Variants in BTNL3 observed in about 807,000 individuals in gnomAD.
BTNL3 encodes butyrophilin-like protein 3.
BTNL3 carries 20 observed loss-of-function variants against 40.1 expected under a neutral mutation model. The ratio of observed to expected loss-of-function variants is 0.50; its 90% CI spans 0.35 to 0.72. BTNL3 has a LOEUF of 0.72. Among genes scored for constraint, BTNL3 ranks in the 30% least tolerant of loss-of-function variants. BTNL3 has a pLI of 0.01. For missense variants in BTNL3, 449 were observed against 582.2 expected (o/e 0.77, Z 2.35); for synonymous variants, 179 against 222.1 (o/e 0.81, Z 1.73).
rs373751008 is a variant in BTNL3, at chr5:180,995,798, G to T, written c.398-1415G>T. On this transcript the variant is annotated intron_variant, in intron 2 of 7. Transcript: ENST00000342868. The stretch of plus-strand genomic sequence containing the variant: ...ACCTACTTCTGCTGGAGGTGGGAGT[G>T]GGGGAGTGGTCATAGGATGCTCAGC... Among the ~76,000 whole-genome samples, 106 of 135,776 alleles carry T rather than the reference G, an allele frequency of 7.8e-4. 9 individuals carry two copies. The South Asian group carries it at 0.022, about 28-fold the overall frequency. 89.1% of individuals were successfully genotyped at this position (135,776 alleles called of 152,430 possible).
At chr5:181,003,822 G>C in intron 4 of BTNL3, 34 bp from the exon 5 acceptor site, 1 of 1,614,156 alleles carries the variant, frequency 6.2e-7, no homozygotes, top group Non-Finnish European at 8.5e-7. Context: ...GCACACTCCT[G>C]TGTCCACCAC....
Position 181,005,906 on chromosome 5 carries a change from C to A in BTNL3, c.*34C>A, listed in dbSNP as rs1240937155. 1 of 1,547,142 alleles carries A rather than the reference C, an allele frequency of 6.5e-7. No individual in the cohort carries two copies. Among genetic ancestry groups the A allele is most frequent in the Admixed American group, 2.0e-5 (1 of 50,770 alleles). On this transcript the variant is annotated 3_prime_UTR_variant, in exon 8 of 8. Transcript: ENST00000342868. ...AGACCCTGCTTAAAGGGCCCCACAC[C>A]ACAGACCCAGACACAGCCAAGGGAG... is the stretch of plus-strand genomic sequence containing the variant.
chr5:180,997,063 G>C, intron 2 of BTNL3, 150 bp from the exon 3 acceptor site: 1 of 1,138,034 alleles, frequency 8.8e-7, no homozygotes, highest in East Asian at 2.6e-5. Flanking sequence ...GTGTGTAAGA[G>C]ACAGAGAGAA....
chr5:181,002,619 A>C, intron 3 of BTNL3, 53 bp from the exon 4 acceptor site: 1 of 1,413,224 alleles, frequency 7.1e-7, no homozygotes, highest in Non-Finnish European at 9.7e-7. Flanking sequence ...AATGGGCGTA[A>C]AATTGTCTTA....
At chr5:181,004,136 G>C (rs189553247) in intron 5 of BTNL3, among the ~76,000 whole-genome samples, 24 of 152,144 alleles carry the variant, frequency 1.6e-4, no homozygotes, top group African/African-American at 5.5e-4. Flanking sequence ...GTGTGTGGTG[G>C]GGGGAGGTGT....
Position 180,996,999 on chromosome 5 carries a change from G to T in BTNL3, c.398-214G>T, listed in dbSNP as rs1338793092. Among the ~76,000 whole-genome samples the T allele has an allele frequency of 1.5e-5, 2 of 136,086 alleles. 1 individual carries two copies. The highest frequency in any genetic ancestry group is 3.4e-5 in the Non-Finnish European group (2 of 59,526). The allele number at this position is 136,086 out of a possible 152,430, so 89.3% of individuals were successfully genotyped here. A position where few individuals can be genotyped will look rare whatever the true frequency, so the allele number is the denominator to read the frequency against. On this transcript the variant is annotated intron_variant, in intron 2 of 7. Coordinates refer to ENST00000342868, the MANE Select transcript of BTNL3 (RefSeq NM_197975.3). Reference sequence around the variant, plus strand: ...ATGAACATAGACCATGGAAGGGCTTGCAGTAGTAGCATGAGTGGATGTGTG... The same window carrying T: ...ATGAACATAGACCATGGAAGGGCTTTCAGTAGTAGCATGAGTGGATGTGTG...
At position 180,994,622 on chromosome 5, in the gene BTNL3, T is replaced by C. The variant is rs1760010899; in HGVS notation, c.397+1462T>C. 2.2e-5 allele frequency among the ~76,000 whole-genome samples: 3 copies of C among 135,944 alleles called. 1 individual carries two copies. Among genetic ancestry groups the C allele is most frequent in the Non-Finnish European group, 5.0e-5 (3 of 59,526 alleles). The allele number at this position is 135,944 out of a possible 152,430, so 89.2% of individuals were successfully genotyped here. A position where few individuals can be genotyped will look rare whatever the true frequency, so the allele number is the denominator to read the frequency against. On this transcript the variant is annotated intron_variant, in intron 2 of 7. Coordinates refer to ENST00000342868, the MANE Select transcript of BTNL3 (RefSeq NM_197975.3). ...TCATTTCTTTAAATACTCTTTCAGC[T>C]CTCTCTCTTTCTCCTCTCCTTCTGG...
At chr5:181,000,266 T>G (rs1760088394) in intron 3 of BTNL3, among the ~76,000 whole-genome samples, 1 of 136,782 alleles carries the variant, frequency 7.3e-6, no homozygotes, top group Non-Finnish European at 1.7e-5. Context: ...TTAAAAGAGA[T>G]AAACTATAAT....
chr5:180,992,639 G>A (rs1229575995), intron 1 of BTNL3, among the ~76,000 whole-genome samples, 174 bp from the exon 2 acceptor site: 1 of 137,500 alleles, frequency 7.3e-6, no homozygotes, highest in East Asian at 2.1e-4. Context: ...ACCGAGTGAA[G>A]TAACTGACAT....
At chr5:181,002,903 C>A in intron 4 of BTNL3, 118 bp downstream of exon 4, 1 of 1,219,120 alleles carries the variant, frequency 8.2e-7, no homozygotes, top group Non-Finnish European at 1.1e-6. Context: ...CTACAGGGGC[C>A]ACCAGCTGAG....
At chr5:181,003,984 G>C (rs573952962) in intron 5 of BTNL3, 108 bp downstream of exon 5, 1 of 1,565,336 alleles carries the variant, frequency 6.4e-7, no homozygotes, top group South Asian at 1.1e-5. Flanking sequence ...AGGAAGCACC[G>C]GCAGGTGGAG....
chr5:181,005,024 T>A (rs10063135), intron 7 of BTNL3, among the ~76,000 whole-genome samples: 8 of 151,912 alleles, frequency 5.3e-5, no homozygotes, highest in Non-Finnish European at 1.0e-4. Flanking sequence ...AAAGGGGAAC[T>A]AAGTGAAGTT....
In BTNL3 at chr5:181,005,615, C is replaced by T; in HGVS notation, c.1144C>T (p.Leu382=). The part of the protein sequence containing the change: ...SPNNGYWVLR[L]TTEHLYFTFN... ...CAACAATGGGTATTGGGTCCTCAGA[C>T]TGACAACAGAACATTTGTATTTCAC... The change falls in exon 8 of 8, where the codon CTG becomes TTG. Residue 382 remains leucine (L), a synonymous_variant. Coordinates refer to ENST00000342868, the MANE Select transcript of BTNL3 (RefSeq NM_197975.3). The T allele has an allele frequency of 1.9e-6, 3 of 1,614,034 alleles. No homozygotes were observed. Among genetic ancestry groups the T allele is most frequent in the Non-Finnish European group, 2.5e-6 (3 of 1,180,004 alleles).
At position 181,003,708 on chromosome 5, in the gene BTNL3, G is replaced by T. The variant is rs529562941; in HGVS notation, c.788-148G>T. The T allele has an allele frequency of 5.5e-6, 8 of 1,465,574 alleles. No individual in the cohort carries two copies. In the South Asian group the frequency reaches 8.8e-5, roughly 16 times the overall value. 90.8% of individuals were successfully genotyped at this position (1,465,574 alleles called of 1,614,324 possible). On this transcript the variant is annotated intron_variant, in intron 4 of 7. Coordinates refer to ENST00000342868, the MANE Select transcript of BTNL3 (RefSeq NM_197975.3). ...CCCCAGAGAGCCACACTCCGTGCAG[G>T]GGCTGGGGAGACGAGCACATATAAG... is the stretch of plus-strand genomic sequence containing the variant.
intron 2 of BTNL3, among the ~76,000 whole-genome samples, chr5:180,993,946 A>G (rs1760004176): frequency 7.3e-6 from 1 of 136,294 alleles, no homozygotes; most frequent in Non-Finnish European, 1.7e-5. Context: ...GATTACAGGC[A>G]TGCGCCACCA....
rs373569533 is a variant in BTNL3 at position 180,992,885 on chromosome 5, C to T, written c.122C>T (p.Ser41Phe). Reference protein sequence around the residue: ...LVGEDAVFSCSLFPETSAEAM... With the variant: ...LVGEDAVFSCFLFPETSAEAM... Reference sequence around the variant, plus strand: ...GGGGAGGACGCCGTGTTCTCCTGCTCCCTCTTTCCTGAGACCAGTGCAGAG... The same window carrying T: ...GGGGAGGACGCCGTGTTCTCCTGCTTCCTCTTTCCTGAGACCAGTGCAGAG... Residue 41 changes from serine (S) to phenylalanine (F), a missense_variant, in exon 2 of 8, where the codon TCC becomes TTC. Transcript: ENST00000342868. The T allele has an allele frequency of 9.6e-6, 14 of 1,463,188 alleles. 3 individuals carry two copies. Among genetic ancestry groups the T allele is most frequent in the Non-Finnish European group, 1.3e-5 (14 of 1,058,874 alleles). 90.6% of individuals were successfully genotyped at this position (1,463,188 alleles called of 1,614,324 possible).
intron 3 of BTNL3, among the ~76,000 whole-genome samples, chr5:181,002,102 A>T (rs1760121447): frequency 7.5e-6 from 1 of 133,972 alleles, no homozygotes; most frequent in Non-Finnish European, 1.7e-5. Flanking sequence ...GTCTTATCTC[A>T]GAGACATATC....
Position 180,997,227 on chromosome 5 carries a change from C to G in BTNL3, c.412C>G (p.Pro138Ala). The change falls in exon 3 of 8, where the codon CCT (proline) becomes GCT (alanine). Residue 138 changes from proline to alanine, a missense_variant. Around this residue, in one of 2 missense-constraint regions of BTNL3, gnomAD observed 323 missense variants for 464.9 expected, o/e 0.69. Coordinates refer to ENST00000342868, the MANE Select transcript of BTNL3 (RefSeq NM_197975.3). ...ELRVAALGSL[P>A]LISIVGYVDG... is the part of the protein sequence containing the mutation. ...TTTCTTCCCAGCACTGGGCTCACTTCCTCTCATTTCCATCGTGGGATATGT... is the reference window on the plus strand; with the variant it reads ...TTTCTTCCCAGCACTGGGCTCACTTGCTCTCATTTCCATCGTGGGATATGT... 1 of 1,464,338 alleles carries G rather than the reference C, an allele frequency of 6.8e-7. No homozygotes were observed. Among genetic ancestry groups the G allele is most frequent in the Non-Finnish European group, 9.4e-7 (1 of 1,059,406 alleles). 90.7% of individuals were successfully genotyped at this position (1,464,338 alleles called of 1,614,324 possible).
Position 181,006,221 on chromosome 5 carries a change from C to T in BTNL3, c.*349C>T, listed in dbSNP as rs955838511. The T allele has an allele frequency of 2.2e-5, 9 of 407,364 alleles. No individual in the cohort carries two copies. Among genetic ancestry groups the T allele is most frequent in the African/African-American group, 8.2e-5 (4 of 48,706 alleles). 25.2% of individuals were successfully genotyped at this position (407,364 alleles called of 1,614,324 possible). A position where few individuals can be genotyped will look rare whatever the true frequency, so the allele number is the denominator to read the frequency against. On this transcript the variant is annotated 3_prime_UTR_variant, in exon 8 of 8. Transcript: ENST00000342868. ...TCCCAGGCTCCTCATTTGCTAGTCA[C>T]GGACAGTGATTCCTGCCTCACAGGT...
Sources: gnomAD v4.1 joint callset for allele counts (sites outside exome capture counted in the v4.1 genomes callset) on GRCh38, gnomAD v4.1.1 for gene constraint, gnomAD v4.1.1 regional missense constraint, MANE v1.5 for transcripts, NCBI Gene and HGNC (gene_info 2026-07-23, HGNC 2026-07-21) for gene names.